CYSLTR1: variants seen among roughly 807,000 people sequenced by gnomAD.
The protein encoded by CYSLTR1 is G-protein coupled receptor HG55.
In CYSLTR1, 1 loss-of-function variant was observed where a neutral mutation model predicts 2.1. The observed-to-expected ratio is 0.48, with a 90% CI of 0.17 to 2.28. The LOEUF is 2.28. CYSLTR1 is among the 30% of genes most tolerant of loss of function. The pLI is 0.26. For missense variants in CYSLTR1, 299 were observed against 250.1 expected, an observed-to-expected ratio of 1.20 and a Z score of -1.32; for synonymous variants, 110 against 89.6, an observed-to-expected ratio of 1.23 and a Z score of -1.28.
At chrX:78,277,864 A>G (rs1414160565) in intron 2 of CYSLTR1, among the ~76,000 whole-genome samples, 1 of 111,931 alleles carries the variant, frequency 8.9e-6, no homozygotes, top group Non-Finnish European at 1.9e-5. Context: ...TAAAATCCAG[A>G]GTATCTTCTT....
intron 1 of CYSLTR1, among the ~76,000 whole-genome samples, chrX:78,304,654 T>A (rs986184973): frequency 9.0e-6 from 1 of 110,960 alleles, no homozygotes; most frequent in Non-Finnish European, 1.9e-5. Context: ...AAGAAGTTTA[T>A]TGGGGTCTAA....
chrX:78,273,827 G>A, intron 2 of CYSLTR1, 54 bp from the exon 3 acceptor site: 2 of 1,001,324 alleles, frequency 2.0e-6, no homozygotes, highest in South Asian at 4.8e-5. Context: ...ATTACAGGAA[G>A]TACTAATGTT....
At chrX:78,300,599 T>C (rs1922777809) in intron 1 of CYSLTR1, among the ~76,000 whole-genome samples, 1 of 112,544 alleles carries the variant, frequency 8.9e-6, no homozygotes, top group Non-Finnish European at 1.9e-5. Context: ...AGACAGAGAC[T>C]TGTTCTCTTT....
At chrX:78,324,699 T>C (rs921457521) in intron 1 of CYSLTR1, among the ~76,000 whole-genome samples, 1 of 112,087 alleles carries the variant, frequency 8.9e-6, no homozygotes, top group African/African-American at 3.2e-5. Flanking sequence ...AAGCAACAAA[T>C]TGGCATACTG....
chrX:78,300,736 T>G (rs1051258422), intron 1 of CYSLTR1, among the ~76,000 whole-genome samples: 4 of 112,889 alleles, frequency 3.5e-5, no homozygotes, highest in Middle Eastern at 9.2e-3. Context: ...AATTGAATCA[T>G]GGGGGCAGGT....
intron 1 of CYSLTR1, among the ~76,000 whole-genome samples, chrX:78,326,284 CA>C (rs376438398): frequency 2.0e-4 from 23 of 112,261 alleles, no homozygotes; most frequent in African/African-American, 6.8e-4. Flanking sequence ...TGTCTTGTAA[CA>C]AATTTTCCTA....
chrX:78,303,481 G>T (rs1189871584), intron 1 of CYSLTR1, among the ~76,000 whole-genome samples: 1 of 109,637 alleles, frequency 9.1e-6, no homozygotes, highest in Non-Finnish European at 1.9e-5. Flanking sequence ...GGCGCAATCA[G>T]TGGAGCCTTC....
intron 1 of CYSLTR1, among the ~76,000 whole-genome samples, chrX:78,285,607 A>G (rs899528579): frequency 8.9e-6 from 1 of 111,854 alleles, no homozygotes; most frequent in African/African-American, 3.3e-5. Flanking sequence ...GTTTAATATT[A>G]CCAGCTTAAT....
At chrX:78,297,848 T>C (rs1054219537) in intron 1 of CYSLTR1, among the ~76,000 whole-genome samples, 5 of 111,745 alleles carry the variant, frequency 4.5e-5, no homozygotes, top group Middle Eastern at 4.2e-3. Context: ...TGATCTTTCA[T>C]ACTGTTTTTT....
chrX:78,275,611 T>C (rs763465813), intron 2 of CYSLTR1, among the ~76,000 whole-genome samples: 1 of 107,375 alleles, frequency 9.3e-6, no homozygotes, highest in East Asian at 3.0e-4. Context: ...GGGATAGCAT[T>C]AGGAGATACA....
chrX:78,319,502 T>C (rs1350095568), intron 1 of CYSLTR1: 1 of 110,424 alleles, frequency 9.1e-6, no homozygotes, highest in Non-Finnish European at 1.9e-5. Flanking sequence ...ATTTTCTTAA[T>C]CCAGTCTATC....
At chrX:78,282,625 T>C (rs1921888910) in intron 2 of CYSLTR1, among the ~76,000 whole-genome samples, 1 of 111,855 alleles carries the variant, frequency 8.9e-6, no homozygotes, top group African/African-American at 3.2e-5. Context: ...ATAATGTCAG[T>C]TGTGGTGGCA....
intron 1 of CYSLTR1, among the ~76,000 whole-genome samples, chrX:78,306,445 C>G (rs771554837): frequency 9.0e-6 from 1 of 111,293 alleles, no homozygotes; most frequent in South Asian, 3.8e-4. Flanking sequence ...ATTACACGCA[C>G]GAGCCACTGC....
At chrX:78,309,477 G>A (rs1250738330) in intron 1 of CYSLTR1, among the ~76,000 whole-genome samples, 1 of 111,712 alleles carries the variant, frequency 9.0e-6, no homozygotes, top group African/African-American at 3.2e-5. Context: ...ATGACAAAGA[G>A]TAACTTATCA....
At chrX:78,305,208 C>T (rs756331121) in intron 1 of CYSLTR1, among the ~76,000 whole-genome samples, 36 of 112,164 alleles carry the variant, frequency 3.2e-4, no homozygotes, top group African/African-American at 9.7e-4. Context: ...CAAATGAGTC[C>T]TCTTTGCCCC....
chrX:78,313,147 T>C (rs747042621), intron 1 of CYSLTR1, among the ~76,000 whole-genome samples: 5 of 111,945 alleles, frequency 4.5e-5, no homozygotes, highest in Non-Finnish European at 9.4e-5. Flanking sequence ...AAAAACAAAA[T>C]CATGTCCTTT....
chrX:78,271,554 C>G lies in CYSLTR1; in HGVS notation c.*1179G>C, dbSNP rs1028673948. The stretch of plus-strand genomic sequence containing the variant: ...AGGACACACTACACTTCAGCAAAAG[C>G]TTGTCCACGCATATTATATTTCAGC... On this transcript the variant is annotated 3_prime_UTR_variant, in exon 3 of 3. Coordinates refer to ENST00000373304, the MANE Select transcript of CYSLTR1 (RefSeq NM_006639.4). The G allele has an allele frequency of 9.0e-6, 1 of 111,721 alleles. No homozygotes were observed. The highest frequency in any genetic ancestry group is 1.9e-5 in the Non-Finnish European group (1 of 53,106). The allele number at this position is 111,721 out of a possible 1,213,427, so 9.2% of individuals were successfully genotyped here. A position where few individuals can be genotyped will look rare whatever the true frequency, so the allele number is the denominator to read the frequency against.
intron 1 of CYSLTR1, among the ~76,000 whole-genome samples, chrX:78,325,987 A>G (rs1923849433): frequency 8.9e-6 from 1 of 111,930 alleles, no homozygotes; most frequent in Non-Finnish European, 1.9e-5. Context: ...AACATGCTAG[A>G]TTAAGTCTAA....
Position 78,273,384 on chromosome X carries a change from C to A in CYSLTR1, c.363G>T (p.Arg121=), listed in dbSNP as rs774406808. The change falls in exon 3 of 3, where the codon CGG becomes CGT. Residue 121 remains arginine, a synonymous_variant. Transcript: ENST00000373304. The stretch of plus-strand genomic sequence containing the variant: ...GGACTGGAAAAACAATTGCAATGCA[C>A]CGGAAAAAGCTCATGGCTGTCATAA... ...IFFMTAMSFF[R]CIAIVFPVQN... 5.0e-6 allele frequency: 6 copies of A among 1,210,964 alleles called. No individual in the cohort carries two copies. Among genetic ancestry groups the A allele is most frequent in the Non-Finnish European group, 6.7e-6 (6 of 895,289 alleles).
Sources: gnomAD v4.1 joint callset for allele counts (sites outside exome capture counted in the v4.1 genomes callset) on GRCh38, gnomAD v4.1.1 for gene constraint, MANE v1.5 for transcripts, NCBI Gene and HGNC (gene_info 2026-07-23, HGNC 2026-07-21) for gene names.